PRKN: variants seen among roughly 807,000 people sequenced by gnomAD.
The protein encoded by PRKN is parkin RBR E3 ubiquitin protein ligase, also known as E3 ubiquitin-protein ligase parkin.
Under a neutral mutation model 59.5 loss-of-function variants are expected in PRKN, and 56 were observed. That is an observed-to-expected ratio of 0.94 (90% CI 0.76 to 1.18). The LOEUF is 1.18. Ranked by LOEUF, PRKN falls within the 50% of genes most tolerant of loss-of-function variation. PRKN has a pLI of 0.00. For synonymous variants in PRKN, 250 were observed against 222.1 expected (o/e 1.13, Z -1.12); for missense variants, 657 against 596.4 (o/e 1.10, Z -1.06).
rs970743140 is a variant in PRKN, at chr6:161,357,090, C to G, written c.1285+2998G>C. Among the ~76,000 whole-genome samples the G allele has an allele frequency of 7.5e-6, 1 of 132,514 alleles. No individual in the cohort carries two copies. Among genetic ancestry groups the G allele is most frequent in the African/African-American group, 2.9e-5 (1 of 34,454 alleles). 86.9% of individuals were successfully genotyped at this position (132,514 alleles called of 152,430 possible). On this transcript the variant is annotated intron_variant, in intron 11 of 11. Coordinates refer to ENST00000366898, the MANE Select transcript of PRKN (RefSeq NM_004562.3). The surrounding 1 kb of genome is among the most constrained non-coding windows in gnomAD (Gnocchi z 5.5). Reference sequence around the variant, plus strand: ...TTTTTGAGACAGAGTCTTGCTCTGTCACTCAGGCTGGAGTGCAATGGCATG... The same window carrying G: ...TTTTTGAGACAGAGTCTTGCTCTGTGACTCAGGCTGGAGTGCAATGGCATG...
intron 6 of PRKN, among the ~76,000 whole-genome samples, chr6:161,807,242 T>C (rs2128212353): frequency 6.6e-6 from 1 of 152,226 alleles, no homozygotes; most frequent in East Asian, 1.9e-4. Context: ...GTCACACGTG[T>C]GCACACACAC....
At chr6:162,378,531 G>A (rs1555012) in intron 2 of PRKN, among the ~76,000 whole-genome samples, 39,211 of 152,144 alleles carry the variant, frequency 0.26, 5,232 homozygotes, top group African/African-American at 0.27. Context: ...TATTAATCCA[G>A]TTTATTTTAA....
At position 162,284,215 on chromosome 6, in the gene PRKN, C is replaced by CTTTTTTTT. The variant is rs35609309; in HGVS notation, c.172-21458_172-21451dup. On this transcript the variant is annotated intron_variant, in intron 2 of 11. Coordinates refer to ENST00000366898, the MANE Select transcript of PRKN (RefSeq NM_004562.3). Reference sequence around the variant, plus strand: ...TATTTATGTATTGTGTTATTTCTTTCTTTTTTTTTTTTTTTTTTTTTTTTT... The same window carrying CTTTTTTTT: ...TATTTATGTATTGTGTTATTTCTTTCTTTTTTTTTTTTTTTTTTTTTTTTTTTTTTTTT... Among the ~76,000 whole-genome samples the CTTTTTTTT allele has an allele frequency of 2.6e-3, 198 of 75,664 alleles. 10 individuals are homozygous for CTTTTTTTT. Among genetic ancestry groups the CTTTTTTTT allele is most frequent in the East Asian group, 7.7e-3 (11 of 1,434 alleles). The allele number at this position is 75,664 out of a possible 152,430, so 49.6% of individuals were successfully genotyped here. A position where few individuals can be genotyped will look rare whatever the true frequency, so the allele number is the denominator to read the frequency against.
intron 6 of PRKN, among the ~76,000 whole-genome samples, chr6:161,901,371 C>A (rs1408388470): frequency 6.6e-6 from 1 of 152,112 alleles, no homozygotes; most frequent in Non-Finnish European, 1.5e-5. Flanking sequence ...TCAGTCCTGC[C>A]TGGGGGAGAG....
At chr6:162,524,281 A>G (rs1778193720) in intron 1 of PRKN, among the ~76,000 whole-genome samples, 2 of 152,232 alleles carry the variant, frequency 1.3e-5, no homozygotes, top group Admixed American at 1.3e-4. Flanking sequence ...GACCACATCC[A>G]ATAAATATTC....
chr6:162,169,558 C>T (rs1783161425), intron 4 of PRKN, among the ~76,000 whole-genome samples: 1 of 152,192 alleles, frequency 6.6e-6, no homozygotes, highest in African/African-American at 2.4e-5. Flanking sequence ...TTCACTACCT[C>T]ATAGACAAGT....
intron 4 of PRKN, among the ~76,000 whole-genome samples, chr6:162,158,489 C>A (rs2849580): frequency 0.94 from 141,416 of 150,852 alleles, 66,856 homozygotes; most frequent in Non-Finnish European, 1. Flanking sequence ...TGGAGAGCAG[C>A]GGCACAAACT....
At chr6:162,431,105 A>G (rs1363831756) in intron 2 of PRKN, among the ~76,000 whole-genome samples, 1 of 151,730 alleles carries the variant, frequency 6.6e-6, no homozygotes, top group East Asian at 1.9e-4. Context: ...GAAACTCCAA[A>G]GTGACAATCA....
At chr6:161,668,777 G>A (rs956841324) in intron 7 of PRKN, among the ~76,000 whole-genome samples, 2 of 152,190 alleles carry the variant, frequency 1.3e-5, no homozygotes, top group African/African-American at 2.4e-5. Context: ...CTATGGCGCA[G>A]GAAGATTTTT....
intron 7 of PRKN, among the ~76,000 whole-genome samples, chr6:161,614,963 CAGAGAGAG>C (rs71694349): frequency 0.011 from 1,581 of 146,952 alleles, 15 homozygotes; most frequent in African/African-American, 0.025. Context: ...GAGAGGAAGA[CAGAGAGAG>C]AGAGAGAGAG....
chr6:161,946,679 G>A (rs1333303349), intron 6 of PRKN, among the ~76,000 whole-genome samples: 1 of 152,050 alleles, frequency 6.6e-6, no homozygotes, highest in Admixed American at 6.6e-5. Context: ...TTATGGCTTG[G>A]AAAATCTACT....
At position 162,201,210 on chromosome 6, in the gene PRKN, C is replaced by A; in HGVS notation, c.455G>T (p.Gly152Val). The change falls in exon 4 of 12, where the codon GGC becomes GTC. Residue 152 changes from glycine (G) to valine (V), a missense_variant. Transcript: ENST00000366898. ...TCCCGGCTGCACTCTTTGACAGGGG[C>A]CTTTGCAATACACATAAAAGCTGTT... is the stretch of plus-strand genomic sequence containing the variant. Reference protein sequence around the residue: ...IYNSFYVYCKGPCQRVQPGKL... With the variant: ...IYNSFYVYCKVPCQRVQPGKL... 1 of 1,613,920 alleles carries A rather than the reference C, an allele frequency of 6.2e-7. No individual in the cohort carries two copies. Among genetic ancestry groups the A allele is most frequent in the Non-Finnish European group, 8.5e-7 (1 of 1,179,846 alleles).
chr6:161,635,816 GTAAC>G (rs1783492963), intron 7 of PRKN, among the ~76,000 whole-genome samples: 1 of 152,166 alleles, frequency 6.6e-6, no homozygotes, highest in South Asian at 2.1e-4. Flanking sequence ...AGAACTTTAA[GTAAC>G]TAACGCACTT....
At chr6:161,730,812 ATGTTGCATTCTGATG>A (rs1487930193) in intron 7 of PRKN, among the ~76,000 whole-genome samples, 4 of 147,990 alleles carry the variant, frequency 2.7e-5, no homozygotes, top group Non-Finnish European at 4.5e-5. Context: ...TCTTTCAGAT[ATGTTGCATTCTGATG>A]TGTTGCATTC....
intron 6 of PRKN, among the ~76,000 whole-genome samples, chr6:161,828,494 G>A (rs1168106465): frequency 1.3e-5 from 2 of 152,116 alleles, no homozygotes; most frequent in Non-Finnish European, 2.9e-5. Flanking sequence ...TGGGCCCCCC[G>A]ACCTCACGCC....
At chr6:162,411,128 T>C (rs1583525724) in intron 2 of PRKN, among the ~76,000 whole-genome samples, 1 of 152,188 alleles carries the variant, frequency 6.6e-6, no homozygotes, top group East Asian at 1.9e-4. Context: ...TATGGTGGAA[T>C]TTACTTTTAA....
chr6:161,540,965 T>C (rs913967885), intron 9 of PRKN, among the ~76,000 whole-genome samples: 1 of 152,260 alleles, frequency 6.6e-6, no homozygotes, highest in Non-Finnish European at 1.5e-5. Flanking sequence ...TGCTGCTCTA[T>C]ATTTTTGTAG....
chr6:162,140,503 T>A (rs1272071449), intron 4 of PRKN, among the ~76,000 whole-genome samples: 3 of 152,098 alleles, frequency 2.0e-5, no homozygotes, highest in Admixed American at 2.0e-4. Flanking sequence ...AGAGAATGTG[T>A]GTGTGTATAT....
chr6:161,605,658 C>A (rs1217349813), intron 7 of PRKN, among the ~76,000 whole-genome samples: 1 of 151,948 alleles, frequency 6.6e-6, no homozygotes, highest in East Asian at 1.9e-4. Context: ...ATTACAGACA[C>A]GTGCCACCAC....
Sources: allele counts gnomAD v4.1 joint callset (sites outside exome capture counted in the v4.1 genomes callset), GRCh38; gene constraint gnomAD v4.1.1; non-coding constraint Gnocchi (gnomAD v3.1); transcripts MANE v1.5; gene names NCBI Gene and HGNC (gene_info 2026-07-23, HGNC 2026-07-21).